ATP6V1C2: variants seen among roughly 807,000 people sequenced by gnomAD.
ATP6V1C2 encodes V-type proton ATPase subunit C 2.
In ATP6V1C2, 45 loss-of-function variants were observed where a neutral mutation model predicts 56.8. The observed-to-expected ratio is 0.79, with a 90% CI of 0.62 to 1.02. The LOEUF (loss-of-function observed/expected upper bound fraction) is 1.02, where lower values mean the gene tolerates loss of function less well. Among genes scored for constraint, ATP6V1C2 ranks in the 50% least tolerant of loss-of-function variants. The pLI, the probability that ATP6V1C2 is intolerant of heterozygous loss-of-function variation, is 0.00. For missense variants in ATP6V1C2, 463 were observed against 519.7 expected, an observed-to-expected ratio of 0.89 and a Z score of 1.06; for synonymous variants, 220 against 201.3, an observed-to-expected ratio of 1.09 and a Z score of -0.79.
chr2:10,732,184 CTTCTTGCTT>C (rs1251906472), intron 3 of ATP6V1C2, among the ~76,000 whole-genome samples: 2 of 152,000 alleles, frequency 1.3e-5, no homozygotes, highest in African/African-American at 4.8e-5. Context: ...CTTTCTTGCT[CTTCTTGCTT>C]TCTTTCGCTT....
intron 4 of ATP6V1C2, among the ~76,000 whole-genome samples, chr2:10,762,071 G>C (rs552069368): frequency 6.6e-6 from 1 of 152,270 alleles, no homozygotes; most frequent in East Asian, 1.9e-4. Flanking sequence ...AATTTCCACA[G>C]CTTGCTCTGT....
At chr2:10,736,036 C>T (rs955677002) in intron 3 of ATP6V1C2, among the ~76,000 whole-genome samples, 1 of 152,154 alleles carries the variant, frequency 6.6e-6, no homozygotes, top group Non-Finnish European at 1.5e-5. Flanking sequence ...CACGTTAACT[C>T]ACGGCTCTCA....
intron 10 of ATP6V1C2, among the ~76,000 whole-genome samples, chr2:10,775,594 G>A (rs1339010871): frequency 2.6e-5 from 4 of 152,206 alleles, no homozygotes; most frequent in African/African-American, 9.6e-5. Flanking sequence ...CTTATCTGGA[G>A]ACTTCCGACC....
chr2:10,772,133 A>G (rs1664654347), intron 7 of ATP6V1C2, among the ~76,000 whole-genome samples, 196 bp downstream of exon 7: 1 of 152,196 alleles, frequency 6.6e-6, no homozygotes, highest in East Asian at 1.9e-4. Flanking sequence ...TGTGGCCACG[A>G]TAGAAGCAGC....
intron 9 of ATP6V1C2, 39 bp downstream of exon 9, chr2:10,774,919 G>C: frequency 6.2e-7 from 1 of 1,611,808 alleles, no homozygotes; most frequent in Non-Finnish European, 8.5e-7. Flanking sequence ...CCCGCTGCGG[G>C]GGGTCTCTGC....
At position 10,784,412 on chromosome 2, in the gene ATP6V1C2, T is replaced by C. The variant is rs1452967168; in HGVS notation, c.*1149T>C. 2 of 1,005,870 alleles carry C rather than the reference T, an allele frequency of 2.0e-6. No individual in the cohort carries two copies. The highest frequency in any genetic ancestry group is 3.0e-6 in the Non-Finnish European group (2 of 668,544). The allele number at this position is 1,005,870 out of a possible 1,614,324, so 62.3% of individuals were successfully genotyped here. ...ATCTCATTTTATGGAAGAGCGACTC[T>C]CTGGAGCTACTCCTGCTACAATCCA... is the stretch of plus-strand genomic sequence containing the variant. On this transcript the variant is annotated 3_prime_UTR_variant, in exon 14 of 14. Transcript: ENST00000272238.
intron 3 of ATP6V1C2, among the ~76,000 whole-genome samples, chr2:10,743,270 T>C (rs1385126060): frequency 1.3e-5 from 2 of 151,648 alleles, no homozygotes; most frequent in Non-Finnish European, 2.9e-5. Context: ...TATTTATATA[T>C]ATATTTATTT....
intron 4 of ATP6V1C2, among the ~76,000 whole-genome samples, chr2:10,755,025 T>G (rs1051173760): frequency 6.6e-6 from 1 of 151,832 alleles, no homozygotes; most frequent in South Asian, 2.1e-4. Context: ...TATATATAGA[T>G]ATATTTTTTG....
chr2:10,741,767 A>AT (rs1662562909), intron 3 of ATP6V1C2, among the ~76,000 whole-genome samples: 1 of 152,154 alleles, frequency 6.6e-6, no homozygotes, highest in Admixed American at 6.5e-5. Context: ...GAGCATTCAG[A>AT]TATAAATCCT....
chr2:10,750,460 A>G lies in ATP6V1C2; in HGVS notation c.198-3521A>G, dbSNP rs184669474. On this transcript the variant is annotated intron_variant, in intron 3 of 13. Transcript: ENST00000272238. The stretch of plus-strand genomic sequence containing the variant: ...GAACCTGGAAGGTGGAAGTTGCAGT[A>G]AGCCGAGATAGCACCACTGCACTCC... Among the ~76,000 whole-genome samples the G allele has an allele frequency of 3.0e-4, 46 of 152,078 alleles. 1 individual carries two copies. The East Asian group carries it at 7.5e-3, about 25-fold the overall frequency.
At chr2:10,771,760 C>A in intron 6 of ATP6V1C2, 79 bp from the exon 7 acceptor site, 1 of 1,110,922 alleles carries the variant, frequency 9.0e-7, no homozygotes, top group South Asian at 1.3e-5. Flanking sequence ...CCCCCAGTGC[C>A]CGGGTGTGGG....
At chr2:10,761,394 C>T (rs1663894781) in intron 4 of ATP6V1C2, among the ~76,000 whole-genome samples, 1 of 152,036 alleles carries the variant, frequency 6.6e-6, no homozygotes, top group East Asian at 1.9e-4. Context: ...GTTTCACTGT[C>T]GTTCCTGCCA....
chr2:10,760,015 AGTTTTTT>A (rs994345818), intron 4 of ATP6V1C2, among the ~76,000 whole-genome samples: 19 of 135,616 alleles, frequency 1.4e-4, no homozygotes, highest in Admixed American at 3.2e-4. Context: ...AAAGACAAGC[AGTTTTTT>A]GTTTTTTGTT....
intron 3 of ATP6V1C2, among the ~76,000 whole-genome samples, chr2:10,742,136 C>T (rs920536969): frequency 2.0e-5 from 3 of 152,160 alleles, no homozygotes; most frequent in Admixed American, 6.5e-5. Context: ...TCTCCAACTC[C>T]TGACCTCAGG....
intron 6 of ATP6V1C2, among the ~76,000 whole-genome samples, chr2:10,770,821 G>C (rs1664552470): frequency 2.6e-5 from 4 of 152,242 alleles, no homozygotes; most frequent in Admixed American, 2.6e-4. Context: ...CACAAACCAA[G>C]TATGCACTGT....
intron 2 of ATP6V1C2, among the ~76,000 whole-genome samples, chr2:10,723,325 C>A (rs1167360061): frequency 1.3e-5 from 2 of 152,170 alleles, no homozygotes; most frequent in Non-Finnish European, 2.9e-5. Context: ...GGTTTGTCTG[C>A]AACATCTCAG....
chr2:10,766,729 G>A (rs1482279883), intron 5 of ATP6V1C2, among the ~76,000 whole-genome samples: 1 of 152,150 alleles, frequency 6.6e-6, no homozygotes, highest in Non-Finnish European at 1.5e-5. Flanking sequence ...ACAGTACAGT[G>A]TAGTCACAGA....
In ATP6V1C2 at chr2:10,773,704, C is replaced by G. The variant is rs1664776470; in HGVS notation, c.639-1084C>G. ...AGCTTGGTACTCATTTTCCTCTGTACCTTTTTGTATGGCCGAGAAGGTTTG... is the reference window on the plus strand; with the variant it reads ...AGCTTGGTACTCATTTTCCTCTGTAGCTTTTTGTATGGCCGAGAAGGTTTG... On this transcript the variant is annotated intron_variant, in intron 8 of 13. Transcript: ENST00000272238. Among the ~76,000 whole-genome samples, 3 of 152,178 alleles carry G rather than the reference C, an allele frequency of 2.0e-5. 1 individual carries two copies. Among genetic ancestry groups the G allele is most frequent in the South Asian group, 4.1e-4 (2 of 4,832 alleles).
intron 3 of ATP6V1C2, among the ~76,000 whole-genome samples, chr2:10,740,087 C>A (rs1288620815): frequency 9.6e-3 from 991 of 103,190 alleles, no homozygotes; most frequent in Middle Eastern, 0.016. Context: ...GACTCCATCT[C>A]AAAAAAAAAA....
Sources: gnomAD v4.1 joint callset for allele counts (sites outside exome capture counted in the v4.1 genomes callset) on GRCh38, gnomAD v4.1.1 for gene constraint, MANE v1.5 for transcripts, NCBI Gene and HGNC (gene_info 2026-07-23, HGNC 2026-07-21) for gene names.